Variants in CCDC125 observed in about 807,000 individuals in gnomAD.
CCDC125 encodes coiled-coil domain containing 125, also known as coiled-coil domain-containing protein 125.
In CCDC125, 43 loss-of-function variants were observed where a neutral mutation model predicts 57.4. That is an observed-to-expected ratio of 0.75 (90% CI 0.59 to 0.97). The LOEUF (loss-of-function observed/expected upper bound fraction) is 0.97. Ranked by LOEUF, CCDC125 falls within the 50% of genes least tolerant of loss-of-function variation. CCDC125 has a pLI of 0.00. For synonymous variants in CCDC125, 187 were observed against 195.2 expected (o/e 0.96, Z 0.35); for missense variants, 563 against 595.7 (o/e 0.95, Z 0.57).
chr5:69,326,169 T>G (rs908184817), intron 1 of CCDC125, among the ~76,000 whole-genome samples: 1 of 152,184 alleles, frequency 6.6e-6, no homozygotes, highest in Non-Finnish European at 1.5e-5. Context: ...ATATCTGATG[T>G]CAGAGCCAAC....
In CCDC125 at chr5:69,314,125, A is replaced by G. The variant is rs1758613122; in HGVS notation, c.305-79T>C. ...CTAATTAAACATAGGACATTTGTTT[A>G]CAAATTACCAAATACAGGTATCCCC... is the stretch of plus-strand genomic sequence containing the variant. On this transcript the variant is annotated intron_variant, in intron 2 of 11. Transcript: ENST00000396496. The G allele has an allele frequency of 4.0e-6, 4 of 1,000,430 alleles. No individual in the cohort carries two copies. The South Asian group carries it at 5.2e-5, about 13-fold the overall frequency. The allele number at this position is 1,000,430 out of a possible 1,614,324, so 62.0% of individuals were successfully genotyped here. A position where few individuals can be genotyped will look rare whatever the true frequency, so the allele number is the denominator to read the frequency against.
At chr5:69,274,024 A>G in the CCDC125 span, among the ~76,000 whole-genome samples, 1 of 152,178 alleles carries the variant, frequency 6.6e-6, no homozygotes, top group Non-Finnish European at 1.5e-5. Context: ...ATGTGTACAC[A>G]TACTCTTTTA....
At position 69,288,931 on chromosome 5, in the gene CCDC125, A is replaced by G. The variant is rs529703003; in HGVS notation, c.1099+3257T>C. ...AGTGGTAAGTGCTGTGTGAATAGGA[A>G]AACACTTTGGTTTCCCCTGTCTCTT... On this transcript the variant is annotated intron_variant, in intron 10 of 11. Coordinates refer to ENST00000396496, the MANE Select transcript of CCDC125 (RefSeq NM_176816.5). 4.6e-5 allele frequency among the ~76,000 whole-genome samples: 7 copies of G among 152,316 alleles called. No homozygotes were observed. In the South Asian group the frequency reaches 1.0e-3, roughly 23 times the overall value.
At chr5:69,277,148 A>G, downstream of CCDC125, 6 of 1,588,158 alleles carry the variant, frequency 3.8e-6, no homozygotes, top group Non-Finnish European at 5.1e-6. Context: ...AGAACACTGG[A>G]CAACATTTTA....
intron 8 of CCDC125, among the ~76,000 whole-genome samples, chr5:69,297,988 C>T (rs1755670975): frequency 6.7e-6 from 1 of 148,750 alleles, no homozygotes; most frequent in South Asian, 2.2e-4. Flanking sequence ...CAAAACAAAA[C>T]AAAAAAATAA....
At chr5:69,327,297 C>T (rs889487357) in intron 1 of CCDC125, among the ~76,000 whole-genome samples, 10 of 151,958 alleles carry the variant, frequency 6.6e-5, no homozygotes, top group African/African-American at 2.2e-4. Flanking sequence ...GGTTTCACCG[C>T]GTTAGCCAGG....
chr5:69,306,981 A>G, intron 5 of CCDC125, 79 bp from the exon 6 acceptor site: 5 of 1,320,574 alleles, frequency 3.8e-6, no homozygotes, highest in Non-Finnish European at 3.9e-6. Context: ...GCTGAAATAA[A>G]TCATATAATC....
chr5:69,290,596 C>T (rs1754254137), intron 10 of CCDC125, among the ~76,000 whole-genome samples: 1 of 148,704 alleles, frequency 6.7e-6, no homozygotes, highest in Non-Finnish European at 1.5e-5. Flanking sequence ...AGCCACCGCA[C>T]ATGGCCAGGT....
chr5:69,282,708 C>A lies in CCDC125; in HGVS notation c.*21G>T. 1 of 1,538,286 alleles carries A rather than the reference C, an allele frequency of 6.5e-7. No individual in the cohort carries two copies. The highest frequency in any genetic ancestry group is 8.7e-7 in the Non-Finnish European group (1 of 1,144,260). ...ATCTCGATATAAACAACTCTCAGTTCCAATTTCAACTGGCTTGTCTTTAAA... is the reference window on the plus strand; with the variant it reads ...ATCTCGATATAAACAACTCTCAGTTACAATTTCAACTGGCTTGTCTTTAAA... On this transcript the variant is annotated 3_prime_UTR_variant, in exon 12 of 12. Coordinates refer to ENST00000396496, the MANE Select transcript of CCDC125 (RefSeq NM_176816.5).
rs374260408 is a variant in CCDC125, at chr5:69,319,785, A to G, written c.304+452T>C. Among the ~76,000 whole-genome samples, 24 of 152,120 alleles carry G rather than the reference A, an allele frequency of 1.6e-4. No individual in the cohort carries two copies. The South Asian group carries it at 1.9e-3, about 12-fold the overall frequency. ...CGTGAGCCACCACGCCCGGCTATCA[A>G]CTACTTTTATACTACCACCAATCCC... On this transcript the variant is annotated intron_variant, in intron 2 of 11. Transcript: ENST00000396496.
At chr5:69,307,712 A>C in intron 5 of CCDC125, 1 of 498,110 alleles carries the variant, frequency 2.0e-6, no homozygotes, top group Non-Finnish European at 3.6e-6. Flanking sequence ...AGAAATGAGA[A>C]GTACCAATTT....
chr5:69,314,462 C>CAA (rs10709690), intron 2 of CCDC125, among the ~76,000 whole-genome samples: 48 of 142,842 alleles, frequency 3.4e-4, no homozygotes, highest in Middle Eastern at 3.5e-3. Context: ...AACTCTGTTT[C>CAA]AAAAAAAAAA....
At position 69,328,924 on chromosome 5, in the gene CCDC125, G is replaced by C. The variant is rs190414155; in HGVS notation, c.-41+3725C>G. 7.2e-3 allele frequency among the ~76,000 whole-genome samples: 1,097 copies of C among 151,846 alleles called. 8 individuals carry two copies. The highest frequency in any genetic ancestry group is 0.023 in the African/African-American group (958 of 41,412). On this transcript the variant is annotated intron_variant, in intron 1 of 11. Transcript: ENST00000396496. Reference sequence around the variant, plus strand: ...TTCTCCTGCCTCAGCCTCCTGAGTAGCTGGGACTACAGGTGTCCGCCACCA... The same window carrying C: ...TTCTCCTGCCTCAGCCTCCTGAGTACCTGGGACTACAGGTGTCCGCCACCA...
At chr5:69,320,100 G>T in intron 2 of CCDC125, 137 bp downstream of exon 2, 1 of 858,242 alleles carries the variant, frequency 1.2e-6, no homozygotes, top group Non-Finnish European at 1.8e-6. Flanking sequence ...TCCAGCCTGG[G>T]TGACAGAGCA....
rs1174641772 is a variant in CCDC125 at position 69,280,622 on chromosome 5, T to C, written c.*2107A>G. 6.6e-6 allele frequency: 1 copy of C among 152,232 alleles called. No individual in the cohort carries two copies. Among genetic ancestry groups the C allele is most frequent in the African/African-American group, 2.4e-5 (1 of 41,464 alleles). The allele number at this position is 152,232 out of a possible 1,614,324, so 9.4% of individuals were successfully genotyped here. A position where few individuals can be genotyped will look rare whatever the true frequency, so the allele number is the denominator to read the frequency against. On this transcript the variant is annotated 3_prime_UTR_variant, in exon 12 of 12. Coordinates refer to ENST00000396496, the MANE Select transcript of CCDC125 (RefSeq NM_176816.5). ...CCTTTTCTTTTGCAATAAATTATGC[T>C]GCATCTCCTTTGCTGTCTCATTTAA...
intron 1 of CCDC125, among the ~76,000 whole-genome samples, chr5:69,329,779 A>T (rs928223557): frequency 9.2e-5 from 14 of 152,162 alleles, no homozygotes; most frequent in Non-Finnish European, 2.1e-4. Context: ...CTGGGATTAC[A>T]GGCATGAGCC....
rs1434689580 is a variant in CCDC125 at position 69,280,246 on chromosome 5, T to G, written c.*2483A>C. 3 of 152,242 alleles carry G rather than the reference T, an allele frequency of 2.0e-5. No homozygotes were observed. The highest frequency in any genetic ancestry group is 4.4e-5 in the Non-Finnish European group (3 of 68,050). 9.4% of individuals were successfully genotyped at this position (152,242 alleles called of 1,614,324 possible). A position where few individuals can be genotyped will look rare whatever the true frequency, so the allele number is the denominator to read the frequency against. ...AATTGAGCTCATTTAAGCAAAGCTA[T>G]CTTCAGTAGGGACTTTCCCTTCTAG... On this transcript the variant is annotated 3_prime_UTR_variant, in exon 12 of 12. Transcript: ENST00000396496.
In CCDC125 at chr5:69,282,422, C is replaced by T. The variant is rs879761696; in HGVS notation, c.*307G>A. On this transcript the variant is annotated 3_prime_UTR_variant, in exon 12 of 12. Transcript: ENST00000396496. ...ACTAAAAATACAAAAATTAGCTGGGCGTGGTGGCACATGCCTGTAATCCGA... is the reference window on the plus strand; with the variant it reads ...ACTAAAAATACAAAAATTAGCTGGGTGTGGTGGCACATGCCTGTAATCCGA... The T allele has an allele frequency of 9.2e-6, 2 of 217,558 alleles. No individual in the cohort carries two copies. The highest frequency in any genetic ancestry group is 2.3e-5 in the African/African-American group (1 of 43,392). 13.5% of individuals were successfully genotyped at this position (217,558 alleles called of 1,614,324 possible). A position where few individuals can be genotyped will look rare whatever the true frequency, so the allele number is the denominator to read the frequency against.
At chr5:69,278,873 T>A (rs1195909825), downstream of CCDC125, among the ~76,000 whole-genome samples, 1 of 150,932 alleles carries the variant, frequency 6.6e-6, no homozygotes, top group Non-Finnish European at 1.5e-5. Context: ...TAATTTTTTT[T>A]TTTTTTTTAA....
Sources: gnomAD v4.1 joint callset for allele counts (sites outside exome capture counted in the v4.1 genomes callset) on GRCh38, gnomAD v4.1.1 for gene constraint, MANE v1.5 for transcripts, NCBI Gene and HGNC (gene_info 2026-07-23, HGNC 2026-07-21) for gene names.